Variants in LMO7 observed in about 807,000 individuals in gnomAD.
LMO7 encodes the protein LIM domain 7.
A neutral mutation model predicts 206.5 loss-of-function variants in LMO7; 120 were observed. That is an observed-to-expected ratio of 0.58 (90% CI 0.50 to 0.68). LMO7 has a LOEUF of 0.68. Among genes scored for constraint, LMO7 ranks in the 30% least tolerant of loss-of-function variants. LMO7 has a pLI of 0.00. For missense variants in LMO7, 1,959 were observed against 1,957.9 expected (o/e 1.00, Z -0.01); for synonymous variants, 706 against 681.5 (o/e 1.04, Z -0.56).
intron 3 of LMO7, among the ~76,000 whole-genome samples, chr13:75,730,334 A>G (rs944301836): frequency 2.0e-5 from 3 of 152,152 alleles, no homozygotes; most frequent in Admixed American, 6.5e-5. Flanking sequence ...CAGAGATTCA[A>G]CTTCTTCCTG....
intron 18 of LMO7, among the ~76,000 whole-genome samples, chr13:75,835,624 T>A (rs1441239087): frequency 1.3e-5 from 2 of 152,150 alleles, no homozygotes; most frequent in Admixed American, 1.3e-4. Context: ...TAGACCCACC[T>A]CTCAGATCTT....
At chr13:75,780,652 T>C (rs1049808998) in intron 4 of LMO7, among the ~76,000 whole-genome samples, 1 of 152,154 alleles carries the variant, frequency 6.6e-6, no homozygotes, top group African/African-American at 2.4e-5. Flanking sequence ...GATTAAGAGA[T>C]TAAAGACAGT....
chr13:75,819,658 C>A (rs2057383316), intron 13 of LMO7, 123 bp downstream of exon 13: 7 of 965,462 alleles, frequency 7.3e-6, no homozygotes, highest in South Asian at 7.0e-5. Context: ...GTCAAATATG[C>A]AAAGAAACGT....
chr13:75,813,881 G>T (rs564985240), intron 11 of LMO7, among the ~76,000 whole-genome samples: 2 of 152,148 alleles, frequency 1.3e-5, no homozygotes, highest in African/African-American at 4.8e-5. Flanking sequence ...TTTTGTTCTG[G>T]AGTTTATGTA....
rs538942034 is a variant in LMO7, at chr13:75,764,533, G to C, written c.317+3495G>C. 2.0e-5 allele frequency among the ~76,000 whole-genome samples: 3 copies of C among 152,258 alleles called. No individual in the cohort carries two copies. In the East Asian group the frequency reaches 5.8e-4, roughly 29 times the overall value. On this transcript the variant is annotated intron_variant, in intron 4 of 30. Coordinates refer to ENST00000377534, the MANE Select transcript of LMO7 (RefSeq NM_001306080.2). ...AGGTACAGATCAATGGCTTGTAGTA[G>C]AAAGCAACTTGACAGAGTAGCCTAG...
At chr13:75,685,890 C>CTTTTTTT (rs551370410) in intron 1 of LMO7, among the ~76,000 whole-genome samples, 9 of 105,976 alleles carry the variant, frequency 8.5e-5, no homozygotes, top group Non-Finnish European at 1.7e-4. Context: ...TTTTCTTTCT[C>CTTTTTTT]TTTTTTTTTT....
rs754235190 is a variant in LMO7 at position 75,841,796 on chromosome 13, C to A, written c.3844C>A (p.Gln1282Lys). The A allele has an allele frequency of 3.0e-5, 48 of 1,613,798 alleles. No homozygotes were observed. The highest frequency in any genetic ancestry group is 3.3e-4 in the Middle Eastern group (2 of 6,082). ...ACAAGAGGAAGTTGTTCATGAGGAC[C>A]AAGGAAAGAAGCCGCAGGATCAGCT... ...QPQEEVVHED[Q>K]GKKPQDQLVI... is the part of the protein sequence containing the mutation. The change falls in exon 24 of 31, where the codon CAA becomes AAA. Residue 1282 changes from glutamine to lysine, a missense_variant. By Grantham distance (53) the Gln-to-Lys change is moderately conservative. Transcript: ENST00000377534.
At chr13:75,810,933 T>C (rs1173766291) in intron 11 of LMO7, among the ~76,000 whole-genome samples, 1 of 152,226 alleles carries the variant, frequency 6.6e-6, no homozygotes, top group Non-Finnish European at 1.5e-5. Flanking sequence ...CCAAGATAGT[T>C]GTTTCGGATA....
chr13:75,649,508 CAG>C (rs760175186), intron 1 of LMO7, among the ~76,000 whole-genome samples: 17 of 152,210 alleles, frequency 1.1e-4, no homozygotes, highest in Non-Finnish European at 2.4e-4. Flanking sequence ...AACTTGGCAA[CAG>C]AGTAATCTAT....
rs368188917 is a variant in LMO7, at chr13:75,819,415, G to A, written c.2087G>A (p.Arg696His). 1.2e-5 allele frequency: 20 copies of A among 1,605,762 alleles called. No individual in the cohort carries two copies. The highest frequency in any genetic ancestry group is 4.1e-5 in the African/African-American group (3 of 74,068). The change falls in exon 13 of 31, where the codon CGT (arginine) becomes CAT (histidine). Residue 696 changes from arginine to histidine, a missense_variant. Arg to His is a conservative substitution (Grantham distance 29, BLOSUM62 0). Coordinates refer to ENST00000377534, the MANE Select transcript of LMO7 (RefSeq NM_001306080.2). ...CAGGACCTTGCAAAATGGAAAGATC[G>A]TCGAAAAAGTTACACTTCAGATCTG... ...WQDDLAKWKD[R>H]RKSYTSDLQK... is the part of the protein sequence containing the mutation.
upstream of LMO7, chr13:75,631,456 G>A (rs2034936881): frequency 6.6e-6 from 1 of 152,190 alleles, no homozygotes; most frequent in Non-Finnish European, 1.5e-5. Flanking sequence ...TGCCATCACA[G>A]GTTGAGTCTT....
intron 15 of LMO7, among the ~76,000 whole-genome samples, chr13:75,827,401 G>A (rs1161620453): frequency 1.3e-5 from 2 of 152,334 alleles, no homozygotes; most frequent in East Asian, 3.9e-4. Context: ...ATAAGGTGGT[G>A]TGTGCCATAA....
chr13:75,836,526 T>TA, intron 19 of LMO7, 69 bp downstream of exon 19: 1 of 790,212 alleles, frequency 1.3e-6, no homozygotes, highest in Non-Finnish European at 2.0e-6. Flanking sequence ...TCTGCTGTTA[T>TA]AAAAATTAAT....
intron 3 of LMO7, among the ~76,000 whole-genome samples, chr13:75,731,165 T>G (rs2045161402): frequency 6.6e-6 from 1 of 152,156 alleles, no homozygotes; most frequent in Non-Finnish European, 1.5e-5. Context: ...CAGAGCCGAG[T>G]TCAATTCCTG....
intron 3 of LMO7, among the ~76,000 whole-genome samples, chr13:75,728,984 T>C (rs1411960630): frequency 1.3e-5 from 2 of 152,142 alleles, no homozygotes; most frequent in African/African-American, 2.4e-5. Context: ...CATTGGTCTA[T>C]ATCTCTGTTT....
intron 3 of LMO7, among the ~76,000 whole-genome samples, chr13:75,728,487 G>A (rs9530464): frequency 0.91 from 131,645 of 144,012 alleles, 60,250 homozygotes; most frequent in East Asian, 1. Flanking sequence ...TTTTTTTCTT[G>A]TAAATTTGTT....
chr13:75,771,345 A>T (rs525890), intron 4 of LMO7, among the ~76,000 whole-genome samples: 1,854 of 152,156 alleles, frequency 0.012, 48 homozygotes, highest in African/African-American at 0.042. Context: ...GGATTTTGAT[A>T]AGTGTATGTA....
At chr13:75,719,134 C>T (rs903177147) in intron 2 of LMO7, among the ~76,000 whole-genome samples, 6 of 152,022 alleles carry the variant, frequency 3.9e-5, no homozygotes, top group African/African-American at 1.5e-4. Flanking sequence ...CACGCACCAC[C>T]ACGCCTGGCT....
At chr13:75,795,523 C>A in intron 5 of LMO7, 92 bp downstream of exon 5, 2 of 840,564 alleles carry the variant, frequency 2.4e-6, no homozygotes, top group South Asian at 1.7e-5. Flanking sequence ...TACTCTACAT[C>A]TCTTTTCTAA....
Sources: gnomAD v4.1 joint callset for allele counts (sites outside exome capture counted in the v4.1 genomes callset) on GRCh38, gnomAD v4.1.1 for gene constraint, MANE v1.5 for transcripts, NCBI Gene and HGNC (gene_info 2026-07-23, HGNC 2026-07-21) for gene names.